The following CDK14 variants were observed in gnomAD, a reference collection of about 807,000 sequenced individuals.
The protein encoded by CDK14 is cyclin dependent kinase 14.
Under a neutral mutation model 60.7 loss-of-function variants are expected in CDK14, and 34 were observed. That is an observed-to-expected ratio of 0.56 (90% confidence interval 0.43 to 0.75). The LOEUF (loss-of-function observed/expected upper bound fraction) is 0.75, where lower values mean the gene tolerates loss of function less well. Ranked by LOEUF, CDK14 falls within the 30% of genes least tolerant of loss-of-function variation. CDK14 has a pLI of 0.00. For synonymous variants in CDK14, 197 were observed against 203.7 expected, an observed-to-expected ratio of 0.97 and a Z score of 0.28; for missense variants, 482 against 564.1, an observed-to-expected ratio of 0.85 and a Z score of 1.47.
chr7:90,969,207 T>A (rs1794847657), intron 9 of CDK14, among the ~76,000 whole-genome samples: 1 of 152,198 alleles, frequency 6.6e-6, no homozygotes, highest in African/African-American at 2.4e-5. Context: ...TGTCAAATAT[T>A]TTACTGTAAA....
At chr7:90,852,802 A>G (rs1227543188) in intron 5 of CDK14, among the ~76,000 whole-genome samples, 2 of 152,176 alleles carry the variant, frequency 1.3e-5, no homozygotes. Flanking sequence ...TCACAAGGCC[A>G]CTGCTGAGTA....
At chr7:90,664,891 TAACA>T (rs1417361699) in intron 2 of CDK14, among the ~76,000 whole-genome samples, 3 of 152,218 alleles carry the variant, frequency 2.0e-5, no homozygotes, top group Non-Finnish European at 4.4e-5. Flanking sequence ...TATACATATG[TAACA>T]AACCTGCAGA....
chr7:90,660,256 C>G (rs534117171), intron 2 of CDK14, among the ~76,000 whole-genome samples: 6 of 152,196 alleles, frequency 3.9e-5, no homozygotes, highest in East Asian at 1.9e-4. Flanking sequence ...TTTACTAATT[C>G]TACAATTTGC....
chr7:90,854,960 A>G (rs17475332), intron 5 of CDK14, among the ~76,000 whole-genome samples: 19,304 of 152,222 alleles, frequency 0.13, 1,468 homozygotes, highest in Middle Eastern at 0.25. Context: ...TTTGCATTTA[A>G]GAAGAGCCAC....
At chr7:90,680,581 T>G (rs1801293824) in intron 2 of CDK14, among the ~76,000 whole-genome samples, 3 of 152,204 alleles carry the variant, frequency 2.0e-5, no homozygotes, top group Admixed American at 2.0e-4. Flanking sequence ...GAAAAATCTA[T>G]TGGGTGAATT....
Position 91,198,259 on chromosome 7 carries a change from T to TG in CDK14, c.*29-8899dup, listed in dbSNP as rs1206583316. The stretch of plus-strand genomic sequence containing the variant: ...AGTAAAAGTTGCAGGGCTTTTGTGG[T>TG]GGGGGGGAAATAAGGTAAAGGGTAG... On this transcript the variant is annotated intron_variant, in intron 14 of 14. Coordinates refer to ENST00000380050, the MANE Select transcript of CDK14 (RefSeq NM_001287135.2). Among the ~76,000 whole-genome samples the TG allele has an allele frequency of 3.9e-5, 6 of 151,920 alleles. No homozygotes were observed. In the South Asian group the frequency reaches 6.2e-4, roughly 16 times the overall value.
chr7:90,900,948 C>T (rs1792486981), intron 7 of CDK14, among the ~76,000 whole-genome samples: 1 of 152,132 alleles, frequency 6.6e-6, no homozygotes, highest in Admixed American at 6.5e-5. Context: ...GTTCTCTGTC[C>T]TCAGGCCACT....
intron 10 of CDK14, among the ~76,000 whole-genome samples, chr7:91,017,445 T>C (rs1796328614): frequency 6.6e-6 from 1 of 152,242 alleles, no homozygotes; most frequent in Non-Finnish European, 1.5e-5. Context: ...TTGTTTTTCA[T>C]ATGTGATATT....
intron 8 of CDK14, among the ~76,000 whole-genome samples, chr7:90,937,607 T>C (rs573138578): frequency 2.6e-5 from 4 of 152,236 alleles, no homozygotes; most frequent in Non-Finnish European, 5.9e-5. Flanking sequence ...TCTTAGGAGA[T>C]ATTCTAGACC....
At chr7:90,801,140 T>C (rs1156667960) in intron 5 of CDK14, among the ~76,000 whole-genome samples, 1 of 152,338 alleles carries the variant, frequency 6.6e-6, no homozygotes, top group East Asian at 1.9e-4. Flanking sequence ...GCTACCAGTG[T>C]TTATTTTTCT....
intron 7 of CDK14, among the ~76,000 whole-genome samples, chr7:90,911,561 T>C (rs896915367): frequency 5.3e-5 from 8 of 152,188 alleles, no homozygotes; most frequent in Non-Finnish European, 1.2e-4. Flanking sequence ...ATCTACAAGA[T>C]ATTCACCACG....
At chr7:91,010,003 C>T (rs1321481653) in intron 10 of CDK14, among the ~76,000 whole-genome samples, 1 of 152,036 alleles carries the variant, frequency 6.6e-6, no homozygotes, top group Non-Finnish European at 1.5e-5. Flanking sequence ...TTATTTTTGA[C>T]ATATAGTTTT....
At chr7:90,760,479 T>G (rs186260412) in intron 4 of CDK14, among the ~76,000 whole-genome samples, 2 of 152,304 alleles carry the variant, frequency 1.3e-5, no homozygotes, top group East Asian at 3.9e-4. Flanking sequence ...CCTGAGAGGT[T>G]ACCTGCCCAC....
intron 14 of CDK14, among the ~76,000 whole-genome samples, chr7:91,130,742 G>A (rs2116423496): frequency 6.6e-6 from 1 of 152,210 alleles, no homozygotes; most frequent in Admixed American, 6.5e-5. Flanking sequence ...ATGACTAGTA[G>A]ACCAAATCTT....
At chr7:90,792,985 C>T (rs1279906337) in intron 5 of CDK14, among the ~76,000 whole-genome samples, 2 of 152,182 alleles carry the variant, frequency 1.3e-5, no homozygotes, top group African/African-American at 4.8e-5. Flanking sequence ...TTTCTTTGTC[C>T]ATTTATCCAA....
chr7:90,611,371 G>A (rs567995761), intron 2 of CDK14, among the ~76,000 whole-genome samples: 2 of 152,260 alleles, frequency 1.3e-5, no homozygotes, highest in South Asian at 4.1e-4. Flanking sequence ...AGTTTCTGCC[G>A]CTATGTCTCA....
intron 2 of CDK14, among the ~76,000 whole-genome samples, chr7:90,674,610 G>A (rs1801160905): frequency 6.6e-6 from 1 of 152,194 alleles, no homozygotes; most frequent in South Asian, 2.1e-4. Context: ...TTTAGATTTA[G>A]AGGTTTAGGG....
At chr7:90,688,822 AT>A (rs1801495698) in intron 2 of CDK14, among the ~76,000 whole-genome samples, 1 of 152,150 alleles carries the variant, frequency 6.6e-6, no homozygotes. Flanking sequence ...TGTAGAAACA[AT>A]ATTTACAATA....
Position 90,790,652 on chromosome 7 carries a change from G to C in CDK14, c.544G>C (p.Ala182Pro). The C allele has an allele frequency of 6.2e-7, 1 of 1,608,574 alleles. No homozygotes were observed. The highest frequency in any genetic ancestry group is 8.5e-7 in the Non-Finnish European group (1 of 1,175,830). Residue 182 changes from alanine to proline, a missense_variant and splice_region_variant, in exon 5 of 15, where the codon GCT (alanine) becomes CCT (proline). Transcript: ENST00000380050. ...EGTPFTAIRE[A>P]SLLKGLKHAN... The stretch of plus-strand genomic sequence containing the variant: ...GACACCTTTCACAGCTATCAGGGAA[G>C]GTAGGCACTTTTCCTTGTTGATATT...
Sources: gnomAD v4.1 joint callset for allele counts (sites outside exome capture counted in the v4.1 genomes callset) on GRCh38, gnomAD v4.1.1 for gene constraint, MANE v1.5 for transcripts, NCBI Gene and HGNC (gene_info 2026-07-23, HGNC 2026-07-21) for gene names.